The following ZNF469 variants were observed in gnomAD, a reference collection of about 807,000 sequenced individuals.
The protein encoded by ZNF469 is zinc finger protein 469.
ZNF469 carries 1 observed loss-of-function variant against 1.0 expected under a neutral mutation model. That is an observed-to-expected ratio of 1.00 (90% CI 0.35 to 4.73). The LOEUF (loss-of-function observed/expected upper bound fraction) is 4.73, where lower values mean the gene tolerates loss of function less well. ZNF469 is among the 30% of genes most tolerant of loss of function. ZNF469 has a pLI of 0.16. For synonymous variants in ZNF469, 2,703 were observed against 2,363.4 expected (o/e 1.14, Z -4.17); for missense variants, 6,100 against 5,356.3 (o/e 1.14, Z -4.33).
chr16:88,326,363 T>C, the ZNF469 span, among the ~76,000 whole-genome samples: 613 of 152,242 alleles, frequency 4.0e-3, 5 homozygotes, highest in African/African-American at 0.014. Context: ...GATTGTGAGG[T>C]CTCCCCAGCC....
chr16:88,430,253 C>T lies in ZNF469; in HGVS notation c.2783C>T (p.Ser928Phe), dbSNP rs1342047498. ...CPARGRPKTR[S>F]LGLAPTEADA... is the part of the protein sequence containing the mutation. ...GCCCGAGGCAGGCCCAAAACGCGTTCCCTGGGTCTGGCCCCCACCGAGGCG... is the reference window on the plus strand; with the variant it reads ...GCCCGAGGCAGGCCCAAAACGCGTTTCCTGGGTCTGGCCCCCACCGAGGCG... The change falls in exon 3 of 3, where the codon TCC becomes TTC. Residue 928 changes from serine (S) to phenylalanine (F), a missense_variant. Coordinates refer to ENST00000565624, the MANE Select transcript of ZNF469 (RefSeq NM_001367624.2). 6.6e-7 allele frequency: 1 copy of T among 1,525,048 alleles called. No homozygotes were observed. Among genetic ancestry groups the T allele is most frequent in the Non-Finnish European group, 8.8e-7 (1 of 1,136,086 alleles). 94.5% of individuals were successfully genotyped at this position (1,525,048 alleles called of 1,614,324 possible). A position where few individuals can be genotyped will look rare whatever the true frequency, so the allele number is the denominator to read the frequency against.
At chr16:88,251,128 T>C in the ZNF469 span, among the ~76,000 whole-genome samples, 2 of 152,190 alleles carry the variant, frequency 1.3e-5, no homozygotes, top group Non-Finnish European at 2.9e-5. Context: ...TCCACCCGCC[T>C]CAGCCTCCCA....
Position 88,437,763 on chromosome 16 carries a change from G to A in ZNF469, c.10293G>A (p.Glu3431=), listed in dbSNP as rs1906697384. ...GCAACTACACCTTCGCCAAGAAGGAGCAGTTCGACCGCCACATGAACAAGC... is the reference window on the plus strand; with the variant it reads ...GCAACTACACCTTCGCCAAGAAGGAACAGTTCGACCGCCACATGAACAAGC... The part of the protein sequence containing the change: ...SSCNYTFAKK[E]QFDRHMNKHL... Residue 3431 remains glutamate, a synonymous_variant, in exon 3 of 3, where the codon GAG becomes GAA. Transcript: ENST00000565624. 6.5e-7 allele frequency: 1 copy of A among 1,549,640 alleles called. No homozygotes were observed. Among genetic ancestry groups the A allele is most frequent in the East Asian group, 2.4e-5 (1 of 40,884 alleles).
the ZNF469 span, among the ~76,000 whole-genome samples, chr16:88,157,865 G>A: frequency 2.6e-5 from 4 of 151,956 alleles, no homozygotes; most frequent in Non-Finnish European, 5.9e-5. Flanking sequence ...GGCACCTGGT[G>A]AGGATGCCTG....
the ZNF469 span, among the ~76,000 whole-genome samples, chr16:88,355,804 G>A: frequency 4.6e-5 from 7 of 152,218 alleles, no homozygotes; most frequent in African/African-American, 1.7e-4. Flanking sequence ...TCAGGAGGCA[G>A]GATGGACCTG....
At chr16:88,292,577 C>G in the ZNF469 span, among the ~76,000 whole-genome samples, 157 of 151,952 alleles carry the variant, frequency 1.0e-3, 1 homozygote, top group African/African-American at 3.7e-3. Flanking sequence ...AGTGAAGCCT[C>G]GTACAGCTAA....
chr16:88,101,150 G>C, the ZNF469 span, among the ~76,000 whole-genome samples: 2 of 152,232 alleles, frequency 1.3e-5, no homozygotes, highest in East Asian at 1.9e-4. Context: ...GGCTGGATTC[G>C]ATGCGATTGG....
chr16:88,422,299 T>TG (rs1296937637), intron 1 of ZNF469, among the ~76,000 whole-genome samples: 1 of 144,056 alleles, frequency 6.9e-6, no homozygotes. Flanking sequence ...GATGGATGGA[T>TG]GAGTGGGTGG....
At chr16:88,191,297 T>C in the ZNF469 span, among the ~76,000 whole-genome samples, 6 of 152,180 alleles carry the variant, frequency 3.9e-5, no homozygotes, top group Non-Finnish European at 5.9e-5. Flanking sequence ...AGGTTCCAGC[T>C]GGGGCTGGCC....
At chr16:88,180,959 T>C in the ZNF469 span, among the ~76,000 whole-genome samples, 5 of 152,200 alleles carry the variant, frequency 3.3e-5, no homozygotes, top group East Asian at 1.9e-4. Context: ...CTGTAAGCTA[T>C]AGAAGAAGTA....
chr16:88,318,978 A>G, the ZNF469 span, among the ~76,000 whole-genome samples: 8 of 152,204 alleles, frequency 5.3e-5, no homozygotes, highest in African/African-American at 1.9e-4. Flanking sequence ...AAGTCTCATT[A>G]CCTGGGGGTC....
chr16:88,438,133 C>G lies in ZNF469; in HGVS notation c.10663C>G (p.Leu3555Val). The stretch of plus-strand genomic sequence containing the variant: ...CCACCAGGAGTGTCCCCCGCCGTCT[C>G]TGTCTCCCTTCCCAGCTGCCTTGGC... ...SNHQECPPPS[L>V]SPFPAALADG... Residue 3555 changes from leucine to valine, a missense_variant, in exon 3 of 3, where the codon CTG (leucine) becomes GTG (valine). Transcript: ENST00000565624. The G allele has an allele frequency of 6.4e-7, 1 of 1,550,422 alleles. No individual in the cohort carries two copies. Among genetic ancestry groups the G allele is most frequent in the East Asian group, 2.4e-5 (1 of 40,922 alleles).
the ZNF469 span, among the ~76,000 whole-genome samples, chr16:88,162,225 T>G: frequency 1.1e-4 from 17 of 152,240 alleles, no homozygotes; most frequent in African/African-American, 4.1e-4. Context: ...GGGTATTTTT[T>G]CAATAAAATA....
At chr16:88,322,441 G>A in the ZNF469 span, among the ~76,000 whole-genome samples, 18 of 152,242 alleles carry the variant, frequency 1.2e-4, no homozygotes, top group Non-Finnish European at 2.4e-4. Context: ...TGTCCCGGCC[G>A]TGTTCATCCT....
At position 88,436,992 on chromosome 16, in the gene ZNF469, C is replaced by G; in HGVS notation, c.9522C>G (p.Pro3174=). The change falls in exon 3 of 3, where the codon CCC becomes CCG. Residue 3174 remains proline, a synonymous_variant. Coordinates refer to ENST00000565624, the MANE Select transcript of ZNF469 (RefSeq NM_001367624.2). The stretch of plus-strand genomic sequence containing the variant: ...GGCACGCGCAGAGCAAGGCCGGGCC[C>G]TGGGCGTGCGGCATGTGCCTGAAGG... The part of the protein sequence containing the change: ...QERHAQSKAG[P]WACGMCLKEV... 6.6e-7 allele frequency: 1 copy of G among 1,518,636 alleles called. No individual in the cohort carries two copies. Among genetic ancestry groups the G allele is most frequent in the South Asian group, 1.2e-5 (1 of 81,774 alleles). 94.1% of individuals were successfully genotyped at this position (1,518,636 alleles called of 1,614,324 possible). A position where few individuals can be genotyped will look rare whatever the true frequency, so the allele number is the denominator to read the frequency against.
At chr16:88,302,796 C>G in the ZNF469 span, among the ~76,000 whole-genome samples, 8,123 of 152,222 alleles carry the variant, frequency 0.053, 342 homozygotes, top group East Asian at 0.15. Context: ...TGTCTACCCT[C>G]GCCTCACTCT....
At chr16:88,351,832 C>T in the ZNF469 span, among the ~76,000 whole-genome samples, 6 of 152,236 alleles carry the variant, frequency 3.9e-5, no homozygotes, top group Non-Finnish European at 8.8e-5. Flanking sequence ...TTGCTTGTCT[C>T]CACTGGGAAA....
Position 88,438,736 on chromosome 16 carries a change from C to T in ZNF469, c.11266C>T (p.Gln3756Ter). The stretch of plus-strand genomic sequence containing the variant: ...CAGCCAGCCCCAGCCAGCCAGCGGG[C>T]AGCTCCAGAGCGAGACAGCCACCAC... Reference protein sequence around the residue: ...GGSQPQPASGQLQSETATTPA... With the variant: ...GGSQPQPASG The change falls in exon 3 of 3, where the codon CAG (glutamine) becomes TAG (stop). Residue 3756 changes from glutamine (Q) to a stop codon, truncating the protein, a stop_gained. Coordinates refer to ENST00000565624, the MANE Select transcript of ZNF469 (RefSeq NM_001367624.2). LOFTEE classifies it low-confidence loss of function (END_TRUNC). 6.5e-7 allele frequency: 1 copy of T among 1,550,078 alleles called. No homozygotes were observed. Among genetic ancestry groups the T allele is most frequent in the Non-Finnish European group, 8.7e-7 (1 of 1,146,858 alleles).
At position 88,434,491 on chromosome 16, in the gene ZNF469, G is replaced by A; in HGVS notation, c.7021G>A (p.Glu2341Lys). 6.5e-7 allele frequency: 1 copy of A among 1,550,144 alleles called. No individual in the cohort carries two copies. The highest frequency in any genetic ancestry group is 8.7e-7 in the Non-Finnish European group (1 of 1,146,948). ...PSNTARLGHREGQAVTAVPTE... is the reference protein window; with the variant it reads ...PSNTARLGHRKGQAVTAVPTE... Reference sequence around the variant, plus strand: ...CAATACTGCCCGCCTCGGCCACAGGGAGGGCCAGGCTGTCACAGCTGTGCC... The same window carrying A: ...CAATACTGCCCGCCTCGGCCACAGGAAGGGCCAGGCTGTCACAGCTGTGCC... Residue 2341 changes from glutamate to lysine, a missense_variant, in exon 3 of 3, where the codon GAG becomes AAG. By Grantham distance (56) the Glu-to-Lys change is moderately conservative. Transcript: ENST00000565624.
Sources: allele counts gnomAD v4.1 joint callset (sites outside exome capture counted in the v4.1 genomes callset), GRCh38; gene constraint gnomAD v4.1.1; transcripts MANE v1.5; gene names NCBI Gene and HGNC (gene_info 2026-07-23, HGNC 2026-07-21).